AKAP6: variants seen among roughly 807,000 people sequenced by gnomAD.
AKAP6 encodes the protein A-kinase anchor protein 6.
A neutral mutation model predicts 188.5 loss-of-function variants in AKAP6; 58 were observed. The observed-to-expected ratio is 0.31, with a 90% CI of 0.25 to 0.38. AKAP6 has a LOEUF of 0.38. Among genes scored for constraint, AKAP6 ranks in the 10% least tolerant of loss-of-function variants. The pLI is 1.00. For synonymous variants in AKAP6, 989 were observed against 998.6 expected (o/e 0.99, Z 0.18); for missense variants, 2,710 against 2,740.0 (o/e 0.99, Z 0.24).
rs566425868 is a variant in AKAP6, at chr14:32,446,665, ATT to A, written c.324+12855_324+12856del. On this transcript the variant is annotated intron_variant, in intron 2 of 13. Transcript: ENST00000280979. ...ATTTCCTATAGATCTACAAGCAACT[ATT>A]TTTTTTGTCTGTTACGGGATCAAAA... Among the ~76,000 whole-genome samples the A allele has an allele frequency of 1.1e-4, 17 of 151,660 alleles. No homozygotes were observed. The South Asian group carries it at 3.5e-3, about 31-fold the overall frequency.
intron 9 of AKAP6, 113 bp downstream of exon 9, chr14:32,696,223 A>G (rs1234034762): frequency 7.5e-7 from 1 of 1,332,494 alleles, no homozygotes; most frequent in African/African-American, 1.5e-5. Context: ...CATGGTGTCT[A>G]TTAGAATTCC....
At chr14:32,638,364 A>G (rs1017730610) in intron 7 of AKAP6, among the ~76,000 whole-genome samples, 2 of 152,078 alleles carry the variant, frequency 1.3e-5, no homozygotes, top group South Asian at 4.1e-4. Flanking sequence ...CTAACGGACA[A>G]TATATTCAAC....
chr14:32,529,410 A>C (rs971848444), intron 2 of AKAP6, among the ~76,000 whole-genome samples: 1 of 152,076 alleles, frequency 6.6e-6, no homozygotes, highest in South Asian at 2.1e-4. Flanking sequence ...CGATCATGTC[A>C]TCTTTGAACA....
intron 2 of AKAP6, among the ~76,000 whole-genome samples, chr14:32,506,291 G>A (rs527435700): frequency 6.6e-6 from 1 of 152,102 alleles, no homozygotes; most frequent in East Asian, 1.9e-4. Flanking sequence ...CTGGATAACT[G>A]ATCCATTCAC....
At chr14:32,516,345 G>A (rs1203895107) in intron 2 of AKAP6, among the ~76,000 whole-genome samples, 3 of 152,090 alleles carry the variant, frequency 2.0e-5, no homozygotes. Flanking sequence ...GATGGTAAAG[G>A]AACTTATAAA....
At chr14:32,778,003 C>T (rs1489644455) in intron 12 of AKAP6, among the ~76,000 whole-genome samples, 1 of 152,122 alleles carries the variant, frequency 6.6e-6, no homozygotes, top group Non-Finnish European at 1.5e-5. Flanking sequence ...TGTGCCACTG[C>T]ACTCTAGCCT....
chr14:32,747,393 C>G (rs1441923055), intron 11 of AKAP6, among the ~76,000 whole-genome samples: 1 of 152,160 alleles, frequency 6.6e-6, no homozygotes, highest in Non-Finnish European at 1.5e-5. Flanking sequence ...GTAACTCAGT[C>G]TAACCATAAC....
intron 1 of AKAP6, among the ~76,000 whole-genome samples, chr14:32,425,346 C>T (rs577087550): frequency 9.2e-5 from 14 of 152,092 alleles, no homozygotes; most frequent in Admixed American, 7.9e-4. Flanking sequence ...CCTATAATTC[C>T]AGCACTTTGG....
chr14:32,743,339 A>G (rs1211149042), intron 11 of AKAP6, among the ~76,000 whole-genome samples: 4 of 152,044 alleles, frequency 2.6e-5, no homozygotes, highest in African/African-American at 7.2e-5. Context: ...GTGTCTTTTT[A>G]TTGGAGAATT....
chr14:32,532,266 A>C (rs907873123), intron 2 of AKAP6, among the ~76,000 whole-genome samples: 1 of 152,048 alleles, frequency 6.6e-6, no homozygotes, highest in Non-Finnish European at 1.5e-5. Context: ...TAATGTGTTT[A>C]TTTGCCATCA....
chr14:32,545,372 T>C lies in AKAP6; in HGVS notation c.719T>C (p.Leu240Pro), dbSNP rs149076778. 1.1e-5 allele frequency: 18 copies of C among 1,614,082 alleles called. No homozygotes were observed. In the African/African-American group the frequency reaches 1.7e-4, roughly 16 times the overall value. Residue 240 changes from leucine (L) to proline (P), a missense_variant, in exon 4 of 14, where the codon CTA (leucine) becomes CCA (proline). By Grantham distance (98) the Leu-to-Pro change is moderately conservative. Transcript: ENST00000280979. ...YSPSEDLLSGLGDMTSSQVKT... is the reference protein window; with the variant it reads ...YSPSEDLLSGPGDMTSSQVKT... ...CCAAGTGAGGATTTGCTCAGTGGGCTAGGTGACATGACCTCTAGCCAAGTC... is the reference window on the plus strand; with the variant it reads ...CCAAGTGAGGATTTGCTCAGTGGGCCAGGTGACATGACCTCTAGCCAAGTC...
rs147257153 is a variant in AKAP6 at position 32,823,677 on chromosome 14, A to C, written c.5864A>C (p.Gln1955Pro). The change falls in exon 13 of 14, where the codon CAA becomes CCA. Residue 1955 changes from glutamine to proline, a missense_variant. Physicochemically the swap from Gln to Pro is moderately conservative, Grantham distance 76. Around this residue, in one of 2 missense-constraint regions of AKAP6, gnomAD observed 2,473 missense variants for 2,426.1 expected, o/e 1.02. Coordinates refer to ENST00000280979, the MANE Select transcript of AKAP6 (RefSeq NM_004274.5). ...SNTAGKEFVS[Q>P]DVRHLPKKCP... ...ACTGCTGGCAAGGAATTTGTTTCCC[A>C]AGATGTTAGACATCTTCCAAAGAAA... 1.2e-4 allele frequency: 194 copies of C among 1,613,882 alleles called. 2 individuals carry two copies. In the East Asian group the frequency reaches 4.3e-3, roughly 35 times the overall value.
At chr14:32,551,771 G>A (rs182687153) in intron 4 of AKAP6, among the ~76,000 whole-genome samples, 2 of 151,320 alleles carry the variant, frequency 1.3e-5, no homozygotes, top group African/African-American at 4.8e-5. Context: ...CCATTCTCCT[G>A]CCTCTGCCTT....
rs183363608 is a variant in AKAP6 at position 32,499,783 on chromosome 14, A to G, written c.325-35771A>G. On this transcript the variant is annotated intron_variant, in intron 2 of 13. Coordinates refer to ENST00000280979, the MANE Select transcript of AKAP6 (RefSeq NM_004274.5). ...TACATGTTTAATTTTTCAATCATTA[A>G]TCACTTAAAAAGAGAGCGAGATTAG... Among the ~76,000 whole-genome samples, 99 of 151,988 alleles carry G rather than the reference A, an allele frequency of 6.5e-4. 1 individual carries two copies. The highest frequency in any genetic ancestry group is 2.3e-3 in the African/African-American group (94 of 41,510).
At chr14:32,641,978 A>G (rs1887779057) in intron 7 of AKAP6, among the ~76,000 whole-genome samples, 1 of 152,196 alleles carries the variant, frequency 6.6e-6, no homozygotes, top group African/African-American at 2.4e-5. Context: ...TAAAGGAAAA[A>G]GACTGTTAAC....
At chr14:32,403,660 A>C (rs892198975) in intron 1 of AKAP6, among the ~76,000 whole-genome samples, 3 of 152,200 alleles carry the variant, frequency 2.0e-5, no homozygotes, top group Non-Finnish European at 4.4e-5. Flanking sequence ...ATAGTGATCT[A>C]CCTCTCAGGG....
At chr14:32,476,191 A>G (rs77025114) in intron 2 of AKAP6, among the ~76,000 whole-genome samples, 1,742 of 152,324 alleles carry the variant, frequency 0.011, 15 homozygotes, top group East Asian at 0.026. Flanking sequence ...AATGCCTACC[A>G]TATGTCAAAC....
In AKAP6 at chr14:32,829,876, C is replaced by T. The variant is rs2034783477; in HGVS notation, c.*71C>T. 2 of 702,458 alleles carry T rather than the reference C, an allele frequency of 2.8e-6. No homozygotes were observed. Among genetic ancestry groups the T allele is most frequent in the East Asian group, 2.7e-5 (1 of 37,250 alleles). The allele number at this position is 702,458 out of a possible 1,614,324, so 43.5% of individuals were successfully genotyped here. On this transcript the variant is annotated 3_prime_UTR_variant, in exon 14 of 14. Coordinates refer to ENST00000280979, the MANE Select transcript of AKAP6 (RefSeq NM_004274.5). ...CGCCTGGCTGCAACTCAGGGGTGGC[C>T]TCATCCTCCCGCCCTGGGCTGGCCT... is the stretch of plus-strand genomic sequence containing the variant.
chr14:32,518,113 A>G (rs549057538), intron 2 of AKAP6, among the ~76,000 whole-genome samples: 1 of 152,256 alleles, frequency 6.6e-6, no homozygotes, highest in Non-Finnish European at 1.5e-5. Flanking sequence ...GCAAACTCCA[A>G]AAGACTTGCA....
Sources: allele counts gnomAD v4.1 joint callset (sites outside exome capture counted in the v4.1 genomes callset), GRCh38; gene constraint gnomAD v4.1.1; regional missense constraint gnomAD v4.1.1; transcripts MANE v1.5; gene names NCBI Gene and HGNC (gene_info 2026-07-23, HGNC 2026-07-21).